Variants in CFAP68 observed in about 807,000 individuals in gnomAD.
CFAP68 encodes cilia- and flagella-associated protein 68.
At chr11:111,882,262 C>T in the CFAP68 span, 22 of 841,938 alleles carry the variant, frequency 2.6e-5, no homozygotes, top group East Asian at 3.1e-4. Context: ...ATCATTAGTA[C>T]GGTGTGCTTG....
At chr11:111,880,721 A>C in the CFAP68 span, 1 of 454,924 alleles carries the variant, frequency 2.2e-6, no homozygotes, top group Non-Finnish European at 4.4e-6. Flanking sequence ...TTATTCCTTT[A>C]CTTTCTTAAT....
the CFAP68 span, chr11:111,883,711 A>G: frequency 2.5e-6 from 3 of 1,186,120 alleles, no homozygotes; most frequent in Non-Finnish European, 3.7e-6. Flanking sequence ...TCAGTTACTA[A>G]AACTCCTTAG....
chr11:111,881,845 CTAATG>C, the CFAP68 span, among the ~76,000 whole-genome samples: 2 of 152,030 alleles, frequency 1.3e-5, no homozygotes, highest in African/African-American at 4.8e-5. Context: ...TTAAAGAACT[CTAATG>C]TATGGTAAAA....
chr11:111,884,791 C>G, the CFAP68 span: 1 of 152,154 alleles, frequency 6.6e-6, no homozygotes, highest in East Asian at 1.9e-4. Flanking sequence ...ACTAATCTTA[C>G]CTACTTCTAC....
At chr11:111,883,538 A>G in the CFAP68 span, among the ~76,000 whole-genome samples, 1 of 151,984 alleles carries the variant, frequency 6.6e-6, no homozygotes, top group African/African-American at 2.4e-5. Flanking sequence ...GGTTTCAGTG[A>G]GCAGAAATCA....
At chr11:111,880,812 C>T in the CFAP68 span, 2 of 456,258 alleles carry the variant, frequency 4.4e-6, no homozygotes, top group South Asian at 3.1e-5. Context: ...CTTCCGGTAA[C>T]AAGAACATGC....
chr11:111,884,015 A>T, the CFAP68 span: 2 of 624,184 alleles, frequency 3.2e-6, no homozygotes, highest in African/African-American at 1.9e-5. Flanking sequence ...ACAGCTAAAA[A>T]TTTAGCTCAC....
the CFAP68 span, chr11:111,882,490 A>G: frequency 6.2e-7 from 1 of 1,614,182 alleles, no homozygotes; most frequent in Non-Finnish European, 8.5e-7. Context: ...ATGGATGGCG[A>G]TGCACCACTA....
the CFAP68 span, among the ~76,000 whole-genome samples, chr11:111,880,063 T>TA: frequency 2.6e-5 from 4 of 152,184 alleles, no homozygotes; most frequent in South Asian, 6.2e-4. Flanking sequence ...TGTAAGCCTT[T>TA]AAAAAAAATC....
At chr11:111,881,136 A>G in the CFAP68 span, 1 of 1,088,680 alleles carries the variant, frequency 9.2e-7, no homozygotes, top group Non-Finnish European at 1.2e-6. Flanking sequence ...AAAATTAAAG[A>G]CAAGTCAGAG....
chr11:111,883,019 T>G, the CFAP68 span: 1 of 811,968 alleles, frequency 1.2e-6, no homozygotes, highest in Non-Finnish European at 2.1e-6. Context: ...ACTAACACCA[T>G]AGAACTCAGT....
the CFAP68 span, chr11:111,884,520 C>A: frequency 6.6e-6 from 1 of 151,440 alleles, no homozygotes; most frequent in African/African-American, 2.4e-5. Context: ...TCTACAACCA[C>A]TGTGGTCTTC....
chr11:111,880,076 CTT>C, the CFAP68 span, among the ~76,000 whole-genome samples: 1 of 152,140 alleles, frequency 6.6e-6, no homozygotes, highest in Non-Finnish European at 1.5e-5. Context: ...AAAAAATCAA[CTT>C]TTATTTTACA....
the CFAP68 span, chr11:111,879,667 A>G: frequency 3.2e-5 from 50 of 1,549,978 alleles, no homozygotes; most frequent in Admixed American, 8.2e-4. Flanking sequence ...ATTGCGTGCC[A>G]GGCCACTGTG....
At chr11:111,879,819 C>G in the CFAP68 span, among the ~76,000 whole-genome samples, 2 of 152,048 alleles carry the variant, frequency 1.3e-5, no homozygotes, top group Admixed American at 1.3e-4. Flanking sequence ...AGAACGTTAC[C>G]AAGTTTGGGG....
the CFAP68 span, chr11:111,881,164 G>T: frequency 2.4e-6 from 3 of 1,230,294 alleles, no homozygotes; most frequent in Non-Finnish European, 3.1e-6. Context: ...TAAGCCCCAG[G>T]CTTCTGGCTT....
chr11:111,879,554 G>A, the CFAP68 span: 151 of 1,613,948 alleles, frequency 9.4e-5, no homozygotes, highest in Non-Finnish European at 7.4e-5. Flanking sequence ...TTTTCACCTC[G>A]TCTGAAATGG....
chr11:111,883,830 T>C, the CFAP68 span: 23 of 1,613,626 alleles, frequency 1.4e-5, no homozygotes, highest in Non-Finnish European at 1.9e-5. Context: ...TCCTCCCCGA[T>C]ACAAATGCAC....
chr11:111,879,635 C>A, the CFAP68 span: 14 of 1,603,468 alleles, frequency 8.7e-6, no homozygotes, highest in South Asian at 1.5e-4. Flanking sequence ...TCTATTCGTT[C>A]AAGAAAGAGT....
Sources: allele counts gnomAD v4.1 joint callset (sites outside exome capture counted in the v4.1 genomes callset), GRCh38; gene constraint gnomAD v4.1.1; transcripts MANE v1.5; gene names NCBI Gene and HGNC (gene_info 2026-07-23, HGNC 2026-07-21).